PADI2: variants seen among roughly 807,000 people sequenced by gnomAD.
The protein encoded by PADI2 is peptidyl arginine deiminase 2.
In PADI2, 70 loss-of-function variants were observed where a neutral mutation model predicts 81.1. The ratio of observed to expected loss-of-function variants is 0.86; its 90% confidence interval spans 0.71 to 1.05. The LOEUF (loss-of-function observed/expected upper bound fraction) is 1.05. Ranked by LOEUF, PADI2 falls within the 50% of genes least tolerant of loss-of-function variation. The probability of loss-of-function intolerance (pLI) is 0.00; values close to 1 mark genes in which losing one functional copy is unlikely to be tolerated. For synonymous variants in PADI2, 338 were observed against 358.0 expected, an observed-to-expected ratio of 0.94 and a Z score of 0.63; for missense variants, 853 against 889.9, an observed-to-expected ratio of 0.96 and a Z score of 0.53.
intron 9 of PADI2, 178 bp downstream of exon 9, chr1:17,083,548 A>G (rs957508838): frequency 2.6e-5 from 15 of 580,378 alleles, no homozygotes; most frequent in African/African-American, 2.4e-4. Context: ...TGCTACTACA[A>G]GAAGCAGCAC....
At chr1:17,112,379 G>A (rs1931613260) in intron 1 of PADI2, among the ~76,000 whole-genome samples, 1 of 152,102 alleles carries the variant, frequency 6.6e-6, no homozygotes, top group Non-Finnish European at 1.5e-5. Flanking sequence ...GGCATGAAGC[G>A]CCTGCTCCTT....
chr1:17,083,837 G>C lies in PADI2; in HGVS notation c.939C>G (p.Cys313Trp). 2 of 1,591,976 alleles carry C rather than the reference G, an allele frequency of 1.3e-6. No individual in the cohort carries two copies. Among genetic ancestry groups the C allele is most frequent in the South Asian group, 2.2e-5 (2 of 90,586 alleles). ...ILPPVSVFVCCMKDNYLFLKE... is the reference protein window; with the variant it reads ...ILPPVSVFVCWMKDNYLFLKE... ...TCAGGAACAGGTAATTATCCTTCATGCTGAGAAGTTGGGGGAAGAAGGAGA... is the reference window on the plus strand; with the variant it reads ...TCAGGAACAGGTAATTATCCTTCATCCTGAGAAGTTGGGGGAAGAAGGAGA... Residue 313 changes from cysteine to tryptophan, a missense_variant and splice_region_variant, in exon 9 of 16, where the codon TGC becomes TGG. Coordinates refer to ENST00000375486, the MANE Select transcript of PADI2 (RefSeq NM_007365.3).
In PADI2 at chr1:17,075,107, A is replaced by G. The variant is rs534476274; in HGVS notation, c.1456-158T>C. 1.5e-4 allele frequency: 83 copies of G among 553,372 alleles called. No individual in the cohort carries two copies. The South Asian group carries it at 1.7e-3, about 11-fold the overall frequency. The allele number at this position is 553,372 out of a possible 1,614,324, so 34.3% of individuals were successfully genotyped here. On this transcript the variant is annotated intron_variant, in intron 12 of 15. Coordinates refer to ENST00000375486, the MANE Select transcript of PADI2 (RefSeq NM_007365.3). ...TGACGGGGAGGGTGTTCTCTGCTTC[A>G]GAGGAATATTTCTCACCTTTCCTCT... is the stretch of plus-strand genomic sequence containing the variant.
At chr1:17,088,096 C>T (rs963567611) in intron 6 of PADI2, among the ~76,000 whole-genome samples, 6 of 151,326 alleles carry the variant, frequency 4.0e-5, no homozygotes, top group African/African-American at 1.2e-4. Context: ...GTCATAACGG[C>T]GGCTATGGGT....
chr1:17,092,579 G>T, intron 5 of PADI2, 46 bp from the exon 6 acceptor site: 1 of 1,498,264 alleles, frequency 6.7e-7, no homozygotes, highest in Non-Finnish European at 9.0e-7. Context: ...TGTTGCTGGA[G>T]CCTCAGCTTC....
intron 10 of PADI2, among the ~76,000 whole-genome samples, chr1:17,081,929 A>G (rs2078347723): frequency 6.6e-6 from 1 of 152,240 alleles, no homozygotes; most frequent in Admixed American, 6.5e-5. Flanking sequence ...CCTGGCCAAC[A>G]TGGTGAAACC....
chr1:17,084,883 G>A (rs1422042940), intron 7 of PADI2, among the ~76,000 whole-genome samples, 181 bp from the exon 8 acceptor site: 1 of 152,252 alleles, frequency 6.6e-6, no homozygotes, highest in African/African-American at 2.4e-5. Flanking sequence ...GACCACCGCA[G>A]GAGGTAGATA....
chr1:17,111,338 G>T (rs1039575071), intron 1 of PADI2, among the ~76,000 whole-genome samples: 7 of 151,902 alleles, frequency 4.6e-5, no homozygotes, highest in African/African-American at 1.7e-4. Context: ...CAAGTGATCT[G>T]CCCGCCTCAG....
Position 17,088,918 on chromosome 1 carries a change from A to AAAAAC in PADI2, c.656-2220_656-2219insGTTTT, listed in dbSNP as rs556684686. ...CGAGACTCCATCTCAAAAAAAAAAAAAAAAAAAAAAAAACCAAGCCTCAGA... is the reference window on the plus strand; with the variant it reads ...CGAGACTCCATCTCAAAAAAAAAAAAAAAACAAAAAAAAAAAAACCAAGCCTCAGA... On this transcript the variant is annotated intron_variant, in intron 6 of 15. Transcript: ENST00000375486. Among the ~76,000 whole-genome samples, 5 of 98,468 alleles carry AAAAAC rather than the reference A, an allele frequency of 5.1e-5. 1 individual carries two copies. Among genetic ancestry groups the AAAAAC allele is most frequent in the South Asian group, 1.0e-3 (2 of 1,940 alleles). The allele number at this position is 98,468 out of a possible 152,430, so 64.6% of individuals were successfully genotyped here.
At chr1:17,079,071 T>C (rs958515073) in intron 11 of PADI2, 193 bp downstream of exon 11, 3 of 512,248 alleles carry the variant, frequency 5.9e-6, no homozygotes, top group Admixed American at 3.5e-5. Context: ...ATATATTAGA[T>C]CCTAAATCAC....
chr1:17,096,775 G>A (rs1930947282), intron 3 of PADI2, among the ~76,000 whole-genome samples: 1 of 152,202 alleles, frequency 6.6e-6, no homozygotes, highest in Non-Finnish European at 1.5e-5. Flanking sequence ...CTTTGGGCAG[G>A]TTAGAGGACC....
At chr1:17,096,023 A>G in intron 3 of PADI2, 53 bp from the exon 4 acceptor site, 1 of 1,406,642 alleles carries the variant, frequency 7.1e-7, no homozygotes, top group South Asian at 1.2e-5. Context: ...AGGGCAGGGC[A>G]GGGGCAAGAG....
intron 12 of PADI2, 194 bp from the exon 13 acceptor site, chr1:17,075,143 T>A (rs1301308254): frequency 3.9e-6 from 2 of 506,530 alleles, no homozygotes; most frequent in Non-Finnish European, 7.1e-6. Flanking sequence ...ACCTCAGCAA[T>A]GTCACCAGAT....
chr1:17,077,989 C>T (rs574250794), intron 11 of PADI2, among the ~76,000 whole-genome samples: 231 of 152,342 alleles, frequency 1.5e-3, no homozygotes, highest in Non-Finnish European at 2.9e-3. Context: ...CACGTCTGCT[C>T]ATACCTCTTT....
chr1:17,092,878 G>A (rs1358996005), intron 5 of PADI2, among the ~76,000 whole-genome samples: 1 of 150,718 alleles, frequency 6.6e-6, no homozygotes, highest in East Asian at 2.0e-4. Context: ...GAACCCAGGG[G>A]GTTGAGGCTG....
At chr1:17,074,366 TG>T (rs2078285795) in intron 13 of PADI2, among the ~76,000 whole-genome samples, 17 of 143,390 alleles carry the variant, frequency 1.2e-4, no homozygotes, top group Admixed American at 9.5e-4. Context: ...CACTCCAGCC[TG>T]GGCAATAAGA....
chr1:17,107,470 G>A (rs1435636885), intron 1 of PADI2, among the ~76,000 whole-genome samples: 2 of 152,184 alleles, frequency 1.3e-5, no homozygotes, highest in Non-Finnish European at 2.9e-5. Flanking sequence ...GCACCTGGAG[G>A]TCTTGTCAAA....
In PADI2 at chr1:17,066,980, AT is replaced by A. The variant is rs2078226195; in HGVS notation, c.*2063del. On this transcript the variant is annotated 3_prime_UTR_variant, in exon 16 of 16. Coordinates refer to ENST00000375486, the MANE Select transcript of PADI2 (RefSeq NM_007365.3). ...ACAGAGAAGCGTATTCTAGGCCTAC[AT>A]TTATAGAAAGTGGGGGTGGGGAAGA... The A allele has an allele frequency of 6.6e-6, 1 of 151,946 alleles. No homozygotes were observed. Among genetic ancestry groups the A allele is most frequent in the Non-Finnish European group, 1.5e-5 (1 of 68,022 alleles). The allele number at this position is 151,946 out of a possible 1,614,324, so 9.4% of individuals were successfully genotyped here. A position where few individuals can be genotyped will look rare whatever the true frequency, so the allele number is the denominator to read the frequency against.
chr1:17,107,800 C>T (rs2101608828), intron 1 of PADI2, among the ~76,000 whole-genome samples: 1 of 152,232 alleles, frequency 6.6e-6, no homozygotes. Flanking sequence ...CAGCCTGTGG[C>T]CAGTGCTGGG....
Sources: allele counts gnomAD v4.1 joint callset (sites outside exome capture counted in the v4.1 genomes callset), GRCh38; gene constraint gnomAD v4.1.1; transcripts MANE v1.5; gene names NCBI Gene and HGNC (gene_info 2026-07-23, HGNC 2026-07-21).